LOXHD1: variants seen among roughly 807,000 people sequenced by gnomAD.
LOXHD1 encodes the protein lipoxygenase homology domain-containing protein 1.
In LOXHD1, 205 loss-of-function variants were observed where a neutral mutation model predicts 248.2. The ratio of observed to expected loss-of-function variants is 0.83; its 90% CI spans 0.74 to 0.93. The LOEUF is 0.93. LOXHD1 is among the 40% of genes least tolerant of loss of function. The pLI is 0.00. For missense variants in LOXHD1, 2,930 were observed against 2,971.6 expected (o/e 0.99, Z 0.33); for synonymous variants, 1,113 against 1,162.8 (o/e 0.96, Z 0.87).
In LOXHD1 at chr18:46,580,921, T is replaced by C. The variant is rs532134184; in HGVS notation, c.1655-1137A>G. On this transcript the variant is annotated intron_variant, in intron 12 of 40. Transcript: ENST00000642948. ...GCCAATATGGCTGGAGTAGAAGGAATGGGAAGGAATATGAGATAAGGCTCG... is the reference window on the plus strand; with the variant it reads ...GCCAATATGGCTGGAGTAGAAGGAACGGGAAGGAATATGAGATAAGGCTCG... Among the ~76,000 whole-genome samples the C allele has an allele frequency of 5.9e-5, 9 of 152,150 alleles. No individual in the cohort carries two copies. The East Asian group carries it at 1.7e-3, about 29-fold the overall frequency.
Position 46,551,293 on chromosome 18 carries a change from C to A in LOXHD1, c.3351-4235G>T, listed in dbSNP as rs142939387. On this transcript the variant is annotated intron_variant, in intron 21 of 40. Coordinates refer to ENST00000642948, the MANE Select transcript of LOXHD1 (RefSeq NM_001384474.1). ...AATTTTTTGTATTTTTTAGTAGATA[C>A]GGGGTTTCACCGTGTTAGCCAGGAT... Among the ~76,000 whole-genome samples, 32 of 151,978 alleles carry A rather than the reference C, an allele frequency of 2.1e-4. No individual in the cohort carries two copies. In the East Asian group the frequency reaches 5.6e-3, roughly 27 times the overall value.
chr18:46,506,425 T>C (rs901752381), intron 36 of LOXHD1, among the ~76,000 whole-genome samples: 2 of 152,246 alleles, frequency 1.3e-5, no homozygotes, highest in African/African-American at 4.8e-5. Flanking sequence ...TCCCTAAATC[T>C]GTCTCTGATT....
Position 46,560,145 on chromosome 18 carries a change from C to T in LOXHD1, c.2999G>A (p.Arg1000Gln), listed in dbSNP as rs374290761. The change falls in exon 19 of 41, where the codon CGG becomes CAG. Residue 1000 changes from arginine to glutamine, a missense_variant. Coordinates refer to ENST00000642948, the MANE Select transcript of LOXHD1 (RefSeq NM_001384474.1). Reference sequence around the variant, plus strand: ...GACAAGTTCGTTGTCCTCCTTGCCCCGGGCCAGCCAGCGGTGGGCTTCGAA... The same window carrying T: ...GACAAGTTCGTTGTCCTCCTTGCCCTGGGCCAGCCAGCGGTGGGCTTCGAA... ...HKFEAHRWLA[R>Q]GKEDNELVVE... is the part of the protein sequence containing the mutation. The T allele has an allele frequency of 3.5e-5, 55 of 1,551,428 alleles. No individual in the cohort carries two copies. Among genetic ancestry groups the T allele is most frequent in the East Asian group, 9.8e-5 (4 of 40,864 alleles).
Position 46,533,326 on chromosome 18 carries a change from T to C in LOXHD1, c.4213-2A>G, listed in dbSNP as rs1317094682. On this transcript the variant is annotated splice_acceptor_variant, in intron 27 of 40. Transcript: ENST00000642948. LOFTEE classifies it high-confidence loss of function. Reference sequence around the variant, plus strand: ...TGGGAAAGTCAAGGTCTCTGCACCCTGGGGTGAGGCAGAAAAAGGAAAATT... The same window carrying C: ...TGGGAAAGTCAAGGTCTCTGCACCCCGGGGTGAGGCAGAAAAAGGAAAATT... 1 of 1,551,458 alleles carries C rather than the reference T, an allele frequency of 6.4e-7. No individual in the cohort carries two copies. The highest frequency in any genetic ancestry group is 1.2e-5 in the South Asian group (1 of 84,010).
chr18:46,487,585 G>A (rs564904196), intron 38 of LOXHD1, among the ~76,000 whole-genome samples: 1 of 152,322 alleles, frequency 6.6e-6, no homozygotes, highest in African/African-American at 2.4e-5. Context: ...TCCTGGGCCT[G>A]CCCAATCAGA....
chr18:46,621,250 G>A (rs2038664658), intron 4 of LOXHD1, among the ~76,000 whole-genome samples: 1 of 152,214 alleles, frequency 6.6e-6, no homozygotes, highest in Admixed American at 6.5e-5. Context: ...GGAGACAAGA[G>A]CTGCAGCAGG....
chr18:46,560,048 T>TCCCAG, intron 19 of LOXHD1, 35 bp downstream of exon 19: 6 of 1,226,290 alleles, frequency 4.9e-6, no homozygotes, highest in Non-Finnish European at 6.8e-6. Context: ...GTCTGGCCAC[T>TCCCAG]CCCTCCCCAC....
At chr18:46,644,957 C>A (rs2039010256) in intron 2 of LOXHD1, among the ~76,000 whole-genome samples, 1 of 152,190 alleles carries the variant, frequency 6.6e-6, no homozygotes, top group African/African-American at 2.4e-5. Flanking sequence ...CAGGACTACA[C>A]TGGAATATTT....
At chr18:46,546,462 C>CCATTCCATTCCAACCCATCA (rs1211819542) in intron 22 of LOXHD1, among the ~76,000 whole-genome samples, 5 of 151,726 alleles carry the variant, frequency 3.3e-5, no homozygotes, top group African/African-American at 1.2e-4. Flanking sequence ...TCAATACATT[C>CCATTCCATTCCAACCCATCA]CATTCCATTC....
rs2037474742 is a variant in LOXHD1, at chr18:46,559,871, C to T, written c.3061+212G>A. Among the ~76,000 whole-genome samples, 4 of 152,336 alleles carry T rather than the reference C, an allele frequency of 2.6e-5. No individual in the cohort carries two copies. In the South Asian group the frequency reaches 8.3e-4, roughly 32 times the overall value. On this transcript the variant is annotated intron_variant, in intron 19 of 40. Transcript: ENST00000642948. ...CAAAGTCATCAATTCTTCCTGAGAA[C>T]CTCAGAACAAGCGCCATGCTTATCC...
intron 5 of LOXHD1, among the ~76,000 whole-genome samples, chr18:46,614,043 G>T (rs765943947): frequency 1.7e-4 from 26 of 152,254 alleles, no homozygotes; most frequent in Non-Finnish European, 2.9e-4. Context: ...CAGTTAGAAT[G>T]GTGATCATTA....
intron 33 of LOXHD1, chr18:46,520,252 T>C: frequency 4.3e-6 from 2 of 470,366 alleles, no homozygotes; most frequent in South Asian, 1.5e-5. Context: ...TGTTTCCATA[T>C]ACAATGTAGG....
At chr18:46,613,499 A>G (rs561133581) in intron 5 of LOXHD1, among the ~76,000 whole-genome samples, 1 of 152,244 alleles carries the variant, frequency 6.6e-6, no homozygotes, top group South Asian at 2.1e-4. Context: ...ATTTTTTACA[A>G]AAATGAAAGT....
chr18:46,622,804 C>T (rs866282039), intron 4 of LOXHD1, among the ~76,000 whole-genome samples: 2 of 152,300 alleles, frequency 1.3e-5, no homozygotes, highest in Admixed American at 6.5e-5. Context: ...ATAGAAGAGG[C>T]GGCGTGGTCT....
In LOXHD1 at chr18:46,593,638, T is replaced by A; in HGVS notation, c.1393A>T (p.Asn465Tyr). Residue 465 changes from asparagine (N) to tyrosine (Y), a missense_variant, in exon 10 of 41, where the codon AAC becomes TAC. Physicochemically the swap from Asn to Tyr is moderately radical, Grantham distance 143 (BLOSUM62 -2). Coordinates refer to ENST00000642948, the MANE Select transcript of LOXHD1 (RefSeq NM_001384474.1). ...ATTATGCCGGGTTTGAACCACTTGT[T>A]GTTGGGATTCAGGAGAATCTCATCT... is the stretch of plus-strand genomic sequence containing the variant. Reference protein sequence around the residue: ...RTDEILLNPNNKWFKPGIIEK... With the variant: ...RTDEILLNPNYKWFKPGIIEK... 7 of 1,552,360 alleles carry A rather than the reference T, an allele frequency of 4.5e-6. No individual in the cohort carries two copies. Among genetic ancestry groups the A allele is most frequent in the Non-Finnish European group, 6.1e-6 (7 of 1,147,130 alleles).
At chr18:46,487,925 T>C (rs1288299436) in intron 38 of LOXHD1, among the ~76,000 whole-genome samples, 1 of 152,194 alleles carries the variant, frequency 6.6e-6, no homozygotes, top group South Asian at 2.1e-4. Context: ...TTCAGGTACA[T>C]ACAACCAAGA....
intron 2 of LOXHD1, among the ~76,000 whole-genome samples, chr18:46,644,723 A>G (rs902537690): frequency 4.0e-4 from 60 of 151,742 alleles, no homozygotes; most frequent in African/African-American, 1.4e-3. Context: ...CCCTGTCTCT[A>G]AAAAAGAAAA....
intron 2 of LOXHD1, among the ~76,000 whole-genome samples, chr18:46,647,998 T>G (rs2039054439): frequency 6.6e-6 from 1 of 152,220 alleles, no homozygotes; most frequent in Non-Finnish European, 1.5e-5. Flanking sequence ...GGCTCACACC[T>G]GTAATCCTGG....
chr18:46,597,759 CTT>C (rs551184983), intron 8 of LOXHD1, among the ~76,000 whole-genome samples: 14 of 141,466 alleles, frequency 9.9e-5, no homozygotes, highest in Non-Finnish European at 7.8e-5. Flanking sequence ...TAGAAAAATT[CTT>C]TTTTTTTTTT....
Sources: allele counts gnomAD v4.1 joint callset (sites outside exome capture counted in the v4.1 genomes callset), GRCh38; gene constraint gnomAD v4.1.1; transcripts MANE v1.5; gene names NCBI Gene and HGNC (gene_info 2026-07-23, HGNC 2026-07-21).